SYNE1: variants seen among roughly 807,000 people sequenced by gnomAD.
The protein encoded by SYNE1 is nesprin-1.
A neutral mutation model predicts 1,111.0 loss-of-function variants in SYNE1; 616 were observed. That is an observed-to-expected ratio of 0.55 (90% CI 0.52 to 0.59). SYNE1 has a LOEUF of 0.59. Ranked by LOEUF, SYNE1 falls within the 20% of genes least tolerant of loss-of-function variation. SYNE1 has a pLI of 0.00. For synonymous variants in SYNE1, 3,855 were observed against 3,825.8 expected (o/e 1.01, Z -0.28); for missense variants, 10,006 against 10,417.0 (o/e 0.96, Z 1.72).
At chr6:152,636,418 G>C (rs1027997425) in intron 2 of SYNE1, among the ~76,000 whole-genome samples, 4 of 152,088 alleles carry the variant, frequency 2.6e-5, no homozygotes, top group African/African-American at 9.7e-5. Context: ...ATCTACGTAC[G>C]AGATGCAAAG....
At chr6:152,395,787 A>T in intron 50 of SYNE1, 116 bp from the exon 51 acceptor site, 12 of 1,094,578 alleles carry the variant, frequency 1.1e-5, no homozygotes, top group Middle Eastern at 2.9e-4. Flanking sequence ...TGAATGTTCA[A>T]GTGACAAAAA....
chr6:152,508,930 T>G (rs900176692), intron 8 of SYNE1, among the ~76,000 whole-genome samples: 1 of 152,232 alleles, frequency 6.6e-6, no homozygotes, highest in Non-Finnish European at 1.5e-5. Flanking sequence ...TCTTTTTATT[T>G]TTTTATTTTT....
rs566604088 is a variant in SYNE1 at position 152,267,965 on chromosome 6, G to C, written c.18815+91C>G. On this transcript the variant is annotated intron_variant, in intron 100 of 145. Transcript: ENST00000367255. The stretch of plus-strand genomic sequence containing the variant: ...AAGATGACTAAATTTTGCAGAAGAT[G>C]TTTAAAATAAAATTTTGAGTGAGAT... 5.8e-4 allele frequency: 685 copies of C among 1,185,454 alleles called. 3 individuals carry two copies. Among genetic ancestry groups the C allele is most frequent in the Non-Finnish European group, 8.0e-4 (644 of 801,590 alleles). 73.4% of individuals were successfully genotyped at this position (1,185,454 alleles called of 1,614,324 possible). A position where few individuals can be genotyped will look rare whatever the true frequency, so the allele number is the denominator to read the frequency against.
chr6:152,335,535 T>C (rs1290599503), intron 76 of SYNE1: 1 of 152,170 alleles, frequency 6.6e-6, no homozygotes, highest in Non-Finnish European at 1.5e-5. Context: ...TAAATCTTAT[T>C]ATCCCGATCC....
intron 75 of SYNE1, among the ~76,000 whole-genome samples, chr6:152,338,386 C>T (rs1356163698): frequency 6.6e-6 from 1 of 151,994 alleles, no homozygotes; most frequent in Non-Finnish European, 1.5e-5. Context: ...CTTTGGTAGG[C>T]CAAGGAGGGA....
At chr6:152,306,941 G>A (rs1181973254) in intron 91 of SYNE1, among the ~76,000 whole-genome samples, 1 of 150,128 alleles carries the variant, frequency 6.7e-6, no homozygotes, top group African/African-American at 2.4e-5. Flanking sequence ...GTTTCTTGGG[G>A]AAGAAAAACC....
At chr6:152,365,154 A>G in intron 62 of SYNE1, 135 bp from the exon 63 acceptor site, 1 of 1,121,010 alleles carries the variant, frequency 8.9e-7, no homozygotes, top group Non-Finnish European at 1.3e-6. Flanking sequence ...CGGCTGAGAC[A>G]GAGGGTGGGG....
At chr6:152,289,923 GC>G (rs1160894668) in intron 95 of SYNE1, among the ~76,000 whole-genome samples, 69 of 120,930 alleles carry the variant, frequency 5.7e-4, no homozygotes, top group Admixed American at 1.6e-3. Flanking sequence ...ACCGCGCCCA[GC>G]CTTTTTTTTT....
Position 152,136,817 on chromosome 6 carries a change from T to A in SYNE1, c.25460A>T (p.Glu8487Val), listed in dbSNP as rs775455354. The change falls in exon 141 of 146, where the codon GAG (glutamate) becomes GTG (valine). Residue 8487 changes from glutamate to valine, a missense_variant and splice_region_variant. Glu to Val is a moderately radical substitution (Grantham distance 121). This residue lies in a region of SYNE1 where 761 missense variants were observed against 795.5 expected (regional missense o/e 0.96). Coordinates refer to ENST00000367255, the MANE Select transcript of SYNE1 (RefSeq NM_182961.4). ...GCGGTGGTCCACAGCTTTCTGGAGCTCCTGAAAAGAACAAAAAAGACAATC... is the reference window on the plus strand; with the variant it reads ...GCGGTGGTCCACAGCTTTCTGGAGCACCTGAAAAGAACAAAAAAGACAATC... ...TIELQIKKLK[E>V]LQKAVDHRKA... 3.1e-6 allele frequency: 5 copies of A among 1,614,012 alleles called. No individual in the cohort carries two copies. In the Admixed American group the frequency reaches 8.3e-5, roughly 27 times the overall value.
intron 127 of SYNE1, among the ~76,000 whole-genome samples, chr6:152,197,732 T>C (rs1430686727): frequency 6.6e-6 from 1 of 152,154 alleles, no homozygotes; most frequent in Non-Finnish European, 1.5e-5. Context: ...ACAGATATGG[T>C]GCCATCTGGG....
chr6:152,593,260 A>C (rs916200719), intron 3 of SYNE1, among the ~76,000 whole-genome samples: 1 of 152,198 alleles, frequency 6.6e-6, no homozygotes, highest in African/African-American at 2.4e-5. Context: ...ACCATAAAGA[A>C]AATTATACTA....
chr6:152,367,626 T>A (rs2097104023), intron 61 of SYNE1: 2 of 522,330 alleles, frequency 3.8e-6, no homozygotes, highest in Non-Finnish European at 6.9e-6. Context: ...TTTATGACTA[T>A]CATGATTATT....
chr6:152,268,257 T>G, intron 99 of SYNE1, 92 bp from the exon 100 acceptor site: 1 of 1,012,588 alleles, frequency 9.9e-7, no homozygotes, highest in Non-Finnish European at 1.6e-6. Flanking sequence ...CTCAGAGAAC[T>G]TCGGTAGTGA....
intron 4 of SYNE1, among the ~76,000 whole-genome samples, chr6:152,537,474 A>G (rs2099248973): frequency 6.6e-6 from 1 of 152,060 alleles, no homozygotes; most frequent in African/African-American, 2.4e-5. Context: ...TAAAAAAGAA[A>G]AAATAATAAA....
At chr6:152,553,596 C>T (rs1371759609) in intron 3 of SYNE1, among the ~76,000 whole-genome samples, 2 of 152,188 alleles carry the variant, frequency 1.3e-5, no homozygotes, top group Non-Finnish European at 2.9e-5. Context: ...AGTTCTTCAA[C>T]CTTGTCTATC....
intron 11 of SYNE1, among the ~76,000 whole-genome samples, chr6:152,494,572 G>A (rs1462683064): frequency 6.6e-6 from 1 of 152,058 alleles, no homozygotes; most frequent in Non-Finnish European, 1.5e-5. Context: ...CTACCTCTCA[G>A]CAAGCCAAAC....
intron 3 of SYNE1, among the ~76,000 whole-genome samples, chr6:152,605,595 T>A (rs1401736288): frequency 2.0e-5 from 3 of 152,218 alleles, no homozygotes; most frequent in Non-Finnish European, 4.4e-5. Context: ...AGCATTTCAG[T>A]CTGGTGACCT....
chr6:152,150,793 G>T (rs1440004430), intron 135 of SYNE1, among the ~76,000 whole-genome samples: 1 of 152,144 alleles, frequency 6.6e-6, no homozygotes, highest in Non-Finnish European at 1.5e-5. Flanking sequence ...AATTAACTTG[G>T]CATCTAAGAA....
chr6:152,600,036 C>T (rs571647275), intron 3 of SYNE1, among the ~76,000 whole-genome samples: 1 of 152,166 alleles, frequency 6.6e-6, no homozygotes, highest in South Asian at 2.1e-4. Flanking sequence ...AATGTCTCCC[C>T]TTTAGTGCCA....
Sources: gnomAD v4.1 joint callset for allele counts (sites outside exome capture counted in the v4.1 genomes callset) on GRCh38, gnomAD v4.1.1 for gene constraint, gnomAD v4.1.1 regional missense constraint, MANE v1.5 for transcripts, NCBI Gene and HGNC (gene_info 2026-07-23, HGNC 2026-07-21) for gene names.